CDH23: variants seen among roughly 807,000 people sequenced by gnomAD.
CDH23 encodes the protein cadherin-23.
A neutral mutation model predicts 317.1 loss-of-function variants in CDH23; 189 were observed. The ratio of observed to expected loss-of-function variants is 0.60; its 90% CI spans 0.53 to 0.67. The LOEUF is 0.67. Among genes scored for constraint, CDH23 ranks in the 30% least tolerant of loss-of-function variants. The pLI, the probability that CDH23 is intolerant of heterozygous loss-of-function variation, is 0.00. For missense variants in CDH23, 4,401 were observed against 4,592.4 expected, an observed-to-expected ratio of 0.96 and a Z score of 1.20; for synonymous variants, 1,839 against 1,876.8, an observed-to-expected ratio of 0.98 and a Z score of 0.52.
chr10:71,647,570 G>A (rs1179620683), intron 14 of CDH23: 3 of 152,220 alleles, frequency 2.0e-5, no homozygotes, highest in Non-Finnish European at 2.9e-5. Flanking sequence ...TTGGCAAAGA[G>A]GGGCACCAGC....
At chr10:71,682,380 C>T (rs1864688632) in intron 17 of CDH23, 65 bp from the exon 18 acceptor site, 2 of 1,582,028 alleles carry the variant, frequency 1.3e-6, no homozygotes, top group East Asian at 2.3e-5. Flanking sequence ...CCAAAGGGGA[C>T]CCCTGTCTGG....
At chr10:71,603,769 T>C (rs1260410812) in intron 9 of CDH23, among the ~76,000 whole-genome samples, 1 of 152,256 alleles carries the variant, frequency 6.6e-6, no homozygotes, top group Non-Finnish European at 1.5e-5. Flanking sequence ...ACCCAGGTTC[T>C]AATCCCAGCA....
intron 9 of CDH23, among the ~76,000 whole-genome samples, chr10:71,598,064 AG>A (rs1463979916): frequency 6.6e-6 from 1 of 152,224 alleles, no homozygotes; most frequent in Non-Finnish European, 1.5e-5. Context: ...ACAGGGACCA[AG>A]CATGGTGGGG....
chr10:71,590,928 C>T lies in CDH23; in HGVS notation c.832+12936C>T, dbSNP rs117262587. Among the ~76,000 whole-genome samples the T allele has an allele frequency of 4.0e-4, 58 of 145,874 alleles. 1 individual carries two copies. In the East Asian group the frequency reaches 0.01, roughly 26 times the overall value. Reference sequence around the variant, plus strand: ...AAAACACCAGTCTCTTCTCTAGGGACTGGGGAATTGGCCATTCATGACTCA... The same window carrying T: ...AAAACACCAGTCTCTTCTCTAGGGATTGGGGAATTGGCCATTCATGACTCA... On this transcript the variant is annotated intron_variant, in intron 9 of 69. Coordinates refer to ENST00000224721, the MANE Select transcript of CDH23 (RefSeq NM_022124.6).
chr10:71,776,715 C>T (rs191252621), intron 38 of CDH23, among the ~76,000 whole-genome samples: 19 of 152,242 alleles, frequency 1.2e-4, no homozygotes, highest in Admixed American at 1.2e-3. Flanking sequence ...AAAGGGGGAC[C>T]CCTGTCCCCA....
intron 3 of CDH23, among the ~76,000 whole-genome samples, chr10:71,475,606 G>C (rs114604270): frequency 1.3e-5 from 2 of 152,204 alleles, no homozygotes; most frequent in African/African-American, 2.4e-5. Context: ...GTATGCCCGC[G>C]TGACAATTGA....
intron 48 of CDH23, among the ~76,000 whole-genome samples, chr10:71,796,546 G>A (rs1841408754): frequency 6.6e-6 from 1 of 152,198 alleles, no homozygotes; most frequent in Admixed American, 6.5e-5. Context: ...CAGCTACCAT[G>A]ACTTTCCTTT....
chr10:71,423,675 T>C (rs1017730997), intron 1 of CDH23, among the ~76,000 whole-genome samples: 3 of 152,182 alleles, frequency 2.0e-5, no homozygotes, highest in Non-Finnish European at 4.4e-5. Context: ...TCTAGTTCTG[T>C]CAGTCATACT....
chr10:71,466,805 C>T (rs1851276694), intron 3 of CDH23, among the ~76,000 whole-genome samples: 2 of 152,018 alleles, frequency 1.3e-5, no homozygotes, highest in Non-Finnish European at 2.9e-5. Context: ...TTATTTCATA[C>T]TTTGCTTCTT....
chr10:71,677,420 G>T (rs373051325), intron 15 of CDH23, 36 bp from the exon 16 acceptor site: 1 of 1,535,150 alleles, frequency 6.5e-7, no homozygotes, highest in African/African-American at 1.4e-5. Flanking sequence ...TTTAAACCAC[G>T]GTGTTCCTTC....
At position 71,482,443 on chromosome 10, in the gene CDH23, T is replaced by C. The variant is rs1305372875; in HGVS notation, c.146-27639T>C. Reference sequence around the variant, plus strand: ...TATCTTCTTCTTCTTAGCATAGGACTGCTTTAAAGTTGATGCCAGAAGTTT... The same window carrying C: ...TATCTTCTTCTTCTTAGCATAGGACCGCTTTAAAGTTGATGCCAGAAGTTT... On this transcript the variant is annotated intron_variant, in intron 3 of 69. Transcript: ENST00000224721. Among the ~76,000 whole-genome samples, 6 of 152,346 alleles carry C rather than the reference T, an allele frequency of 3.9e-5. No individual in the cohort carries two copies. The East Asian group carries it at 1.2e-3, about 29-fold the overall frequency.
At chr10:71,712,473 G>A (rs1407073722) in intron 27 of CDH23, 192 bp from the exon 28 acceptor site, 1 of 594,758 alleles carries the variant, frequency 1.7e-6, no homozygotes, top group Non-Finnish European at 3.0e-6. Context: ...GCTGGCACAT[G>A]GTGTTATCTA....
At chr10:71,427,434 G>A (rs1282065950) in intron 1 of CDH23, among the ~76,000 whole-genome samples, 1 of 152,100 alleles carries the variant, frequency 6.6e-6, no homozygotes, top group Admixed American at 6.5e-5. Flanking sequence ...GGCTGGTGGC[G>A]TCAGGTTCTC....
rs781290621 is a variant in CDH23 at position 71,802,890 on chromosome 10, C to G, written c.7483-8C>G. ...CCTTACCTTTGGCCTTGACCTCCAT[C>G]CACCCAGGTGGTGATCCAAGTGCTG... On this transcript the variant is annotated splice_region_variant and splice_polypyrimidine_tract_variant and intron_variant, in intron 53 of 69. Transcript: ENST00000224721. 2 of 1,613,814 alleles carry G rather than the reference C, an allele frequency of 1.2e-6. No homozygotes were observed. The highest frequency in any genetic ancestry group is 2.2e-5 in the East Asian group (1 of 44,898).
intron 8 of CDH23, among the ~76,000 whole-genome samples, chr10:71,576,622 G>A (rs1344672317): frequency 3.3e-5 from 5 of 152,144 alleles, no homozygotes; most frequent in African/African-American, 1.2e-4. Context: ...TTTCCCTAGG[G>A]GGTGGGGACA....
intron 3 of CDH23, among the ~76,000 whole-genome samples, chr10:71,455,644 T>C (rs1021070823): frequency 1.3e-5 from 2 of 151,766 alleles, no homozygotes; most frequent in Non-Finnish European, 2.9e-5. Flanking sequence ...GAAAGCAGCA[T>C]AGAAAAAAAT....
chr10:71,740,779 C>T (rs181452116), intron 36 of CDH23, 43 bp from the exon 37 acceptor site: 58 of 1,612,100 alleles, frequency 3.6e-5, no homozygotes, highest in Middle Eastern at 3.3e-4. Context: ...CAATCCTGCC[C>T]GCCACGCTTT....
At chr10:71,654,211 TTGG>T (rs973209450) in intron 14 of CDH23, among the ~76,000 whole-genome samples, 8 of 152,198 alleles carry the variant, frequency 5.3e-5, no homozygotes, top group African/African-American at 1.9e-4. Context: ...GGCCCCAAAC[TTGG>T]TGGAATGCTC....
intron 44 of CDH23, among the ~76,000 whole-genome samples, chr10:71,788,699 C>G (rs147730916): frequency 6.6e-6 from 1 of 152,156 alleles, no homozygotes; most frequent in Non-Finnish European, 1.5e-5. Flanking sequence ...TCGTGATCTG[C>G]CCGTCTTGGC....
Sources: allele counts gnomAD v4.1 joint callset (sites outside exome capture counted in the v4.1 genomes callset), GRCh38; gene constraint gnomAD v4.1.1; transcripts MANE v1.5; gene names NCBI Gene and HGNC (gene_info 2026-07-23, HGNC 2026-07-21).